The following ABCA4 variants were observed in gnomAD, a reference collection of about 807,000 sequenced individuals.
The protein encoded by ABCA4 is retinal-specific phospholipid-transporting ATPase ABCA4.
In ABCA4, 196 loss-of-function variants were observed where a neutral mutation model predicts 263.7. That is an observed-to-expected ratio of 0.74 (90% confidence interval 0.66 to 0.84). The LOEUF is 0.84. Ranked by LOEUF, ABCA4 falls within the 40% of genes least tolerant of loss-of-function variation. ABCA4 has a pLI of 0.00. For missense variants in ABCA4, 2,792 were observed against 2,855.1 expected (o/e 0.98, Z 0.50); for synonymous variants, 1,133 against 1,094.2 (o/e 1.04, Z -0.70).
intron 14 of ABCA4, among the ~76,000 whole-genome samples, chr1:94,060,140 T>C (rs776736763): frequency 6.6e-6 from 1 of 152,252 alleles, no homozygotes; most frequent in South Asian, 2.1e-4. Flanking sequence ...ATTTCAACTC[T>C]AGCCAGTAGT....
intron 1 of ABCA4, among the ~76,000 whole-genome samples, chr1:94,116,664 T>C (rs948111488): frequency 2.6e-5 from 4 of 152,318 alleles, no homozygotes; most frequent in African/African-American, 9.6e-5. Flanking sequence ...CAATAGCCTC[T>C]TCTGCCGGCT....
At chr1:94,043,613 A>G in intron 20 of ABCA4, 138 bp from the exon 21 acceptor site, 3 of 1,209,876 alleles carry the variant, frequency 2.5e-6, no homozygotes, top group Non-Finnish European at 3.5e-6. Context: ...ATGATACAAT[A>G]CAAAAATAGC....
chr1:94,005,627 G>A, intron 43 of ABCA4, 45 bp from the exon 44 acceptor site: 2 of 1,597,996 alleles, frequency 1.3e-6, no homozygotes, highest in South Asian at 1.1e-5. Context: ...AAGGAGTGGA[G>A]GGATGACCAT....
Position 94,042,883 on chromosome 1 carries a change from T to C in ABCA4, c.3206A>G (p.Lys1069Arg), listed in dbSNP as rs775661924. The C allele has an allele frequency of 5.0e-6, 8 of 1,614,064 alleles. No individual in the cohort carries two copies. Among genetic ancestry groups the C allele is most frequent in the Non-Finnish European group, 6.8e-6 (8 of 1,180,046 alleles). The change falls in exon 22 of 50, where the codon AAG becomes AGG. Residue 1069 changes from lysine (K) to arginine (R), a missense_variant. Lys to Arg is a conservative substitution (Grantham distance 26, BLOSUM62 2). Coordinates refer to ENST00000370225, the MANE Select transcript of ABCA4 (RefSeq NM_000350.3). ...AQDLSGGMQRKLSVAIAFVGD... is the reference protein window; with the variant it reads ...AQDLSGGMQRRLSVAIAFVGD... The stretch of plus-strand genomic sequence containing the variant: ...CACAAAGGCAATGGCAACCGACAGC[T>C]TTCTCTGCATGCCACCTGGAGGCAC...
chr1:94,029,263 A>G (rs1571263164), intron 30 of ABCA4, among the ~76,000 whole-genome samples, 182 bp downstream of exon 30: 1 of 152,038 alleles, frequency 6.6e-6, no homozygotes, highest in South Asian at 2.1e-4. Context: ...GGCTTCCTCC[A>G]GTTGGCAGCC....
rs772292414 is a variant in ABCA4 at position 94,077,646 on chromosome 1, G to T, written c.1554+44C>A. On this transcript the variant is annotated intron_variant, in intron 11 of 49. Coordinates refer to ENST00000370225, the MANE Select transcript of ABCA4 (RefSeq NM_000350.3). ...TAAGGGAGCTCTGGCCCCACTCATG[G>T]GGCTATCTTCAAGGGGCCCACTGTG... 3 of 1,553,366 alleles carry T rather than the reference G, an allele frequency of 1.9e-6. No homozygotes were observed. The Admixed American group carries it at 5.8e-5, about 30-fold the overall frequency.
In ABCA4 at chr1:94,007,697, G is replaced by A. The variant is rs752147871; in HGVS notation, c.5942C>T (p.Thr1981Ile). The A allele has an allele frequency of 1.9e-6, 3 of 1,614,100 alleles. No homozygotes were observed. Among genetic ancestry groups the A allele is most frequent in the African/African-American group, 1.3e-5 (1 of 75,044 alleles). ...LGVNGAGKTTTFKMLTGDTTV... is the reference protein window; with the variant it reads ...LGVNGAGKTTIFKMLTGDTTV... ...GGTGTCCCCAGTGAGCATCTTGAAT[G>A]TGGTTGTTTTGCCGGCACCATTCAC... Residue 1981 changes from threonine to isoleucine, a missense_variant, in exon 43 of 50, where the codon ACA (threonine) becomes ATA (isoleucine). By Grantham distance (89) the Thr-to-Ile change is moderately conservative. Coordinates refer to ENST00000370225, the MANE Select transcript of ABCA4 (RefSeq NM_000350.3).
chr1:94,106,408 C>G (rs1662434643), intron 4 of ABCA4, among the ~76,000 whole-genome samples: 2 of 152,172 alleles, frequency 1.3e-5, no homozygotes, highest in Admixed American at 6.5e-5. Context: ...TCTGCCTCAT[C>G]ATCAAACCCA....
At chr1:94,085,976 C>T (rs1661816315) in intron 6 of ABCA4, among the ~76,000 whole-genome samples, 1 of 152,178 alleles carries the variant, frequency 6.6e-6, no homozygotes, top group Non-Finnish European at 1.5e-5. Flanking sequence ...GCCACGCTCT[C>T]TTTAGGAGTT....
At chr1:94,038,818 T>C (rs1660411363) in intron 24 of ABCA4, among the ~76,000 whole-genome samples, 1 of 152,148 alleles carries the variant, frequency 6.6e-6, no homozygotes, top group Non-Finnish European at 1.5e-5. Context: ...GTGTGTGGTA[T>C]GTGGGTGTGT....
intron 41 of ABCA4, 46 bp downstream of exon 41, chr1:94,008,705 A>C: frequency 6.2e-7 from 1 of 1,613,466 alleles, no homozygotes; most frequent in South Asian, 1.1e-5. Flanking sequence ...CATCATGCCA[A>C]CTGTGGATCT....
chr1:94,041,113 C>T lies in ABCA4; in HGVS notation c.3522+96G>A, dbSNP rs560631009. The T allele has an allele frequency of 7.0e-4, 897 of 1,278,476 alleles. 11 individuals carry two copies. In the South Asian group the frequency reaches 7.3e-3, roughly 10 times the overall value. 79.2% of individuals were successfully genotyped at this position (1,278,476 alleles called of 1,614,324 possible). ...AGAACAAAGACACTGATTCTGGTGGCGAGAGCCTGTGTGAGTAGCCATGTC... is the reference window on the plus strand; with the variant it reads ...AGAACAAAGACACTGATTCTGGTGGTGAGAGCCTGTGTGAGTAGCCATGTC... On this transcript the variant is annotated intron_variant, in intron 23 of 49. Coordinates refer to ENST00000370225, the MANE Select transcript of ABCA4 (RefSeq NM_000350.3).
At chr1:94,029,090 G>A (rs1237809116) in intron 30 of ABCA4, among the ~76,000 whole-genome samples, 1 of 138,960 alleles carries the variant, frequency 7.2e-6, no homozygotes, top group Non-Finnish European at 1.6e-5. Flanking sequence ...AACATTATCT[G>A]TGTTTATATC....
At position 94,029,664 on chromosome 1, in the gene ABCA4, G is replaced by C. The variant is rs72958466; in HGVS notation, c.4353-33C>G. 1,697 of 1,596,928 alleles carry C rather than the reference G, an allele frequency of 1.1e-3. 17 individuals carry two copies. The African/African-American group carries it at 0.019, about 18-fold the overall frequency. On this transcript the variant is annotated intron_variant, in intron 29 of 49. Transcript: ENST00000370225. ...AAGACAAGAAAATATTCCATAATCA[G>C]CCTCAAAGTTGCTGACAAATCCCTA...
chr1:94,074,826 G>C, intron 11 of ABCA4, among the ~76,000 whole-genome samples: 1 of 152,136 alleles, frequency 6.6e-6, no homozygotes, highest in Non-Finnish European at 1.5e-5. Flanking sequence ...CCATTACTGG[G>C]TATATAACCA....
At position 94,015,768 on chromosome 1, in the gene ABCA4, A is replaced by T; in HGVS notation, c.5283T>A (p.Pro1761=). Residue 1761 remains proline, a synonymous_variant, in exon 37 of 50, where the codon CCT becomes CCA. Transcript: ENST00000370225. ...KKAYTSPENL[P]ALVALLLLYG... ...ACAGCAGGAGCAGTGCCACAAGGGC[A>T]GGAAGGTTTTCTGGAGAAGTGTAGG... The T allele has an allele frequency of 6.2e-7, 1 of 1,613,900 alleles. No individual in the cohort carries two copies. The highest frequency in any genetic ancestry group is 8.5e-7 in the Non-Finnish European group (1 of 1,179,942).
At chr1:94,042,098 C>CAAAAAAAAAAAAAA (rs11334956) in intron 22 of ABCA4, among the ~76,000 whole-genome samples, 22 of 81,254 alleles carry the variant, frequency 2.7e-4, no homozygotes, top group South Asian at 1.3e-3. Context: ...GATTCTGTCT[C>CAAAAAAAAAAAAAA]AAAAAAAAAA....
rs886046560 is a variant in ABCA4 at position 94,010,904 on chromosome 1, G to A, written c.5610C>T (p.Phe1870=). The A allele has an allele frequency of 6.2e-7, 1 of 1,614,034 alleles. No homozygotes were observed. The highest frequency in any genetic ancestry group is 1.3e-5 in the African/African-American group (1 of 74,924). ...RFGEEHSANP[F]HWDLIGKNLF... Reference sequence around the variant, plus strand: ...GGTTCTTCCCAATCAGGTCCCAGTGGAACGGATTTGCAGAGTGCTCCTCAC... The same window carrying A: ...GGTTCTTCCCAATCAGGTCCCAGTGAAACGGATTTGCAGAGTGCTCCTCAC... The change falls in exon 40 of 50, where the codon TTC becomes TTT. Residue 1870 remains phenylalanine (F), a synonymous_variant. Coordinates refer to ENST00000370225, the MANE Select transcript of ABCA4 (RefSeq NM_000350.3).
At chr1:94,011,814 G>T (rs564624533) in intron 38 of ABCA4, among the ~76,000 whole-genome samples, 1 of 152,340 alleles carries the variant, frequency 6.6e-6, no homozygotes, top group South Asian at 2.1e-4. Flanking sequence ...CAGCAGGAAT[G>T]TGCAGAGAAG....
Sources: gnomAD v4.1 joint callset for allele counts (sites outside exome capture counted in the v4.1 genomes callset) on GRCh38, gnomAD v4.1.1 for gene constraint, MANE v1.5 for transcripts, NCBI Gene and HGNC (gene_info 2026-07-23, HGNC 2026-07-21) for gene names.